Variants in CDK14 observed in about 807,000 individuals in gnomAD.
CDK14 encodes cyclin dependent kinase 14.
A neutral mutation model predicts 60.7 loss-of-function variants in CDK14; 34 were observed. The observed-to-expected ratio is 0.56, with a 90% CI of 0.43 to 0.75. CDK14 has a LOEUF of 0.75. Among genes scored for constraint, CDK14 ranks in the 30% least tolerant of loss-of-function variants. The pLI is 0.00. For missense variants in CDK14, 482 were observed against 564.1 expected (o/e 0.85, Z 1.47); for synonymous variants, 197 against 203.7 (o/e 0.97, Z 0.28).
chr7:91,075,505 A>T (rs1798275330), intron 11 of CDK14, among the ~76,000 whole-genome samples: 1 of 152,256 alleles, frequency 6.6e-6, no homozygotes, highest in South Asian at 2.1e-4. Context: ...ACCCATAGCC[A>T]ATATCATACT....
chr7:90,726,915 A>G lies in CDK14; in HGVS notation c.369+103A>G, dbSNP rs189827837. ...CAGCAGGAAACTTTATCAGTGCCTT[A>G]TTATGCATTCTCTCCCAGGGTGGTT... On this transcript the variant is annotated intron_variant, in intron 3 of 14. Transcript: ENST00000380050. The G allele has an allele frequency of 1.5e-5, 20 of 1,342,298 alleles. No individual in the cohort carries two copies. The Admixed American group carries it at 3.1e-4, about 21-fold the overall frequency. 83.1% of individuals were successfully genotyped at this position (1,342,298 alleles called of 1,614,324 possible). A position where few individuals can be genotyped will look rare whatever the true frequency, so the allele number is the denominator to read the frequency against.
Position 91,089,228 on chromosome 7 carries a change from T to C in CDK14, c.1154+9748T>C, listed in dbSNP as rs574983654. On this transcript the variant is annotated intron_variant, in intron 12 of 14. Transcript: ENST00000380050. Reference sequence around the variant, plus strand: ...CCACGTCAACCATTCTTCCTTCTCTTTCTTCCCCAGCCTCTCCTCCCTAGT... The same window carrying C: ...CCACGTCAACCATTCTTCCTTCTCTCTCTTCCCCAGCCTCTCCTCCCTAGT... Among the ~76,000 whole-genome samples the C allele has an allele frequency of 7.9e-5, 12 of 152,292 alleles. No individual in the cohort carries two copies. In the South Asian group the frequency reaches 2.3e-3, roughly 29 times the overall value.
At chr7:90,930,753 G>A (rs1219606159) in intron 8 of CDK14, among the ~76,000 whole-genome samples, 1 of 152,064 alleles carries the variant, frequency 6.6e-6, no homozygotes. Flanking sequence ...TACAGTTTAT[G>A]AAGTGCTTCA....
intron 2 of CDK14, among the ~76,000 whole-genome samples, chr7:90,708,965 C>T (rs1369173370): frequency 6.6e-6 from 1 of 152,112 alleles, no homozygotes; most frequent in Non-Finnish European, 1.5e-5. Context: ...AGCAGTCTGG[C>T]ATCCTTCCTT....
At chr7:90,710,188 G>A (rs1346727557) in intron 2 of CDK14, 1 of 985,220 alleles carries the variant, frequency 1.0e-6, no homozygotes, top group South Asian at 4.7e-5. Flanking sequence ...GGCTCCCGAG[G>A]CTACTGCTTG....
At chr7:90,851,343 A>G (rs748427652) in intron 5 of CDK14, among the ~76,000 whole-genome samples, 4 of 152,084 alleles carry the variant, frequency 2.6e-5, no homozygotes, top group Non-Finnish European at 4.4e-5. Flanking sequence ...GATTTTATAT[A>G]TATGTGTGTG....
intron 2 of CDK14, among the ~76,000 whole-genome samples, chr7:90,694,442 T>C (rs1404264769): frequency 6.6e-6 from 1 of 152,178 alleles, no homozygotes; most frequent in Non-Finnish European, 1.5e-5. Flanking sequence ...AAATATTAGG[T>C]ATTGAAATCA....
chr7:90,851,153 T>C (rs80168695), intron 5 of CDK14, among the ~76,000 whole-genome samples: 106 of 152,288 alleles, frequency 7.0e-4, no homozygotes, highest in Middle Eastern at 6.8e-3. Flanking sequence ...AGGCCAGAAT[T>C]TGAGACCTAT....
chr7:90,799,103 T>C (rs918886067), intron 5 of CDK14, among the ~76,000 whole-genome samples: 7 of 152,228 alleles, frequency 4.6e-5, no homozygotes, highest in African/African-American at 1.7e-4. Context: ...ATGAGGTGAA[T>C]GAACCAGTTG....
chr7:90,827,371 G>C (rs1386110056), intron 5 of CDK14, among the ~76,000 whole-genome samples: 2 of 152,160 alleles, frequency 1.3e-5, no homozygotes, highest in Non-Finnish European at 2.9e-5. Context: ...CATCTTGGTT[G>C]CTTCCAAGTT....
intron 11 of CDK14, among the ~76,000 whole-genome samples, 160 bp from the exon 12 acceptor site, chr7:91,079,272 T>C (rs1798414005): frequency 6.6e-6 from 1 of 152,212 alleles, no homozygotes; most frequent in Non-Finnish European, 1.5e-5. Flanking sequence ...TCTTCCTGTT[T>C]TACTCTTTAT....
intron 2 of CDK14, among the ~76,000 whole-genome samples, chr7:90,643,058 A>G (rs1350353364): frequency 6.6e-6 from 1 of 152,208 alleles, no homozygotes; most frequent in Non-Finnish European, 1.5e-5. Context: ...TCAAGTATGA[A>G]AAGGTGTTTG....
chr7:91,170,352 C>T (rs1801478438), intron 14 of CDK14, among the ~76,000 whole-genome samples: 1 of 152,148 alleles, frequency 6.6e-6, no homozygotes, highest in Non-Finnish European at 1.5e-5. Context: ...TGCCTTTTAA[C>T]TATTTTATTG....
intron 2 of CDK14, among the ~76,000 whole-genome samples, chr7:90,639,369 C>G (rs1197099632): frequency 2.0e-5 from 3 of 152,028 alleles, no homozygotes; most frequent in Non-Finnish European, 1.5e-5. Context: ...AGCTGCAGGT[C>G]TGTTGGAGTT....
At chr7:90,607,519 A>G (rs1799443380) in intron 2 of CDK14, among the ~76,000 whole-genome samples, 1 of 152,206 alleles carries the variant, frequency 6.6e-6, no homozygotes, top group African/African-American at 2.4e-5. Context: ...ATACAGACTT[A>G]TTTAATCATA....
chr7:91,006,398 C>G (rs1163466164), intron 10 of CDK14, among the ~76,000 whole-genome samples: 1 of 152,180 alleles, frequency 6.6e-6, no homozygotes, highest in Non-Finnish European at 1.5e-5. Flanking sequence ...TTAACATGTG[C>G]TCATTTTCTT....
At chr7:90,623,701 T>C (rs1799821175) in intron 2 of CDK14, among the ~76,000 whole-genome samples, 1 of 152,224 alleles carries the variant, frequency 6.6e-6, no homozygotes, top group African/African-American at 2.4e-5. Context: ...CCCTTGAGCA[T>C]CCTGAGCCAT....
intron 8 of CDK14, among the ~76,000 whole-genome samples, chr7:90,919,096 G>A (rs1326078841): frequency 6.6e-6 from 1 of 152,032 alleles, no homozygotes; most frequent in East Asian, 1.9e-4. Context: ...AAGGTTTGCA[G>A]TTTCTCAAAT....
intron 4 of CDK14, among the ~76,000 whole-genome samples, chr7:90,765,268 A>G (rs900358290): frequency 6.6e-6 from 1 of 152,138 alleles, no homozygotes; most frequent in African/African-American, 2.4e-5. Context: ...TTTTTTTACT[A>G]CTTGTTCTTG....
Sources: allele counts gnomAD v4.1 joint callset (sites outside exome capture counted in the v4.1 genomes callset), GRCh38; gene constraint gnomAD v4.1.1; transcripts MANE v1.5; gene names NCBI Gene and HGNC (gene_info 2026-07-23, HGNC 2026-07-21).